Variants in NRXN1 observed in about 807,000 individuals in gnomAD.
The protein encoded by NRXN1 is neurexin-1.
NRXN1 carries 39 observed loss-of-function variants against 150.9 expected under a neutral mutation model. The ratio of observed to expected loss-of-function variants is 0.26; its 90% confidence interval spans 0.20 to 0.34. The LOEUF (loss-of-function observed/expected upper bound fraction) is 0.34. Ranked by LOEUF, NRXN1 falls within the 10% of genes least tolerant of loss-of-function variation. The pLI is 1.00. For missense variants in NRXN1, 1,815 were observed against 1,949.9 expected (o/e 0.93, Z 1.30); for synonymous variants, 924 against 757.0 (o/e 1.22, Z -3.62).
intron 5 of NRXN1, among the ~76,000 whole-genome samples, chr2:50,855,334 C>T (rs1173753933): frequency 6.6e-6 from 1 of 151,764 alleles, no homozygotes; most frequent in African/African-American, 2.4e-5. Flanking sequence ...TTTAAATATT[C>T]CAAAAAAAGT....
chr2:50,620,043 G>A lies in NRXN1; in HGVS notation c.1299C>T (p.Asn433=). Residue 433 remains asparagine (N), a synonymous_variant, in exon 8 of 23, where the codon AAC becomes AAT. Coordinates refer to ENST00000401669, the MANE Select transcript of NRXN1 (RefSeq NM_001330078.2). The part of the protein sequence containing the change: ...ADLPGSPVSN[N]FMGCLKEVVY... Reference sequence around the variant, plus strand: ...TTACCTCTTTGAGACAGCCCATAAAGTTGTTACTGACTGGTGACCCTGGAA... The same window carrying A: ...TTACCTCTTTGAGACAGCCCATAAAATTGTTACTGACTGGTGACCCTGGAA... The A allele has an allele frequency of 1.2e-6, 2 of 1,608,454 alleles. No individual in the cohort carries two copies. The highest frequency in any genetic ancestry group is 1.7e-6 in the Non-Finnish European group (2 of 1,177,016).
intron 17 of NRXN1, among the ~76,000 whole-genome samples, chr2:50,295,997 G>A (rs556384629): frequency 6.6e-6 from 1 of 152,248 alleles, no homozygotes; most frequent in East Asian, 1.9e-4. Context: ...ATCAGCATAT[G>A]CAAAATATAG....
At chr2:50,880,490 C>A (rs1247717135) in intron 5 of NRXN1, among the ~76,000 whole-genome samples, 1 of 151,952 alleles carries the variant, frequency 6.6e-6, no homozygotes, top group Non-Finnish European at 1.5e-5. Flanking sequence ...CACTGTGTCT[C>A]CCACAGATAG....
chr2:50,187,671 C>T (rs1384492180), intron 18 of NRXN1, among the ~76,000 whole-genome samples: 1 of 151,960 alleles, frequency 6.6e-6, no homozygotes, highest in African/African-American at 2.4e-5. Flanking sequence ...TGAATCTATA[C>T]ATTACCTTGG....
At chr2:50,747,028 A>C (rs1291448122) in intron 5 of NRXN1, among the ~76,000 whole-genome samples, 2 of 152,166 alleles carry the variant, frequency 1.3e-5, no homozygotes, top group Non-Finnish European at 2.9e-5. Flanking sequence ...AAGTATATTT[A>C]AATGCAAAAA....
chr2:50,215,442 T>C (rs2063329487), intron 18 of NRXN1, among the ~76,000 whole-genome samples: 1 of 152,038 alleles, frequency 6.6e-6, no homozygotes, highest in African/African-American at 2.4e-5. Flanking sequence ...GCTTCCTGTG[T>C]CTAACATTGT....
chr2:50,486,432 T>C (rs1451749923), intron 15 of NRXN1, among the ~76,000 whole-genome samples: 1 of 152,196 alleles, frequency 6.6e-6, no homozygotes, highest in Non-Finnish European at 1.5e-5. Context: ...ACATTTAATG[T>C]CATTTTGGAT....
chr2:50,374,689 G>T (rs1299652981), intron 17 of NRXN1, among the ~76,000 whole-genome samples: 1 of 152,146 alleles, frequency 6.6e-6, no homozygotes, highest in African/African-American at 2.4e-5. Flanking sequence ...TGTAATTAGT[G>T]ATTGCATGGT....
chr2:49,924,746 A>G (rs1039716180), intron 22 of NRXN1, among the ~76,000 whole-genome samples: 3 of 152,222 alleles, frequency 2.0e-5, no homozygotes, highest in Non-Finnish European at 2.9e-5. Context: ...TCTAAATATC[A>G]TGTTTCTTAA....
intron 5 of NRXN1, among the ~76,000 whole-genome samples, chr2:50,815,899 A>G (rs1247819530): frequency 6.6e-6 from 1 of 152,158 alleles, no homozygotes; most frequent in East Asian, 1.9e-4. Flanking sequence ...GAAAAATGCT[A>G]GAATATCTCT....
intron 21 of NRXN1, among the ~76,000 whole-genome samples, chr2:49,958,028 G>C (rs888612250): frequency 4.6e-5 from 7 of 152,132 alleles, no homozygotes; most frequent in Non-Finnish European, 7.3e-5. Context: ...AAAAATACTA[G>C]GGAATGATGC....
chr2:50,483,615 G>A (rs1391114746), intron 15 of NRXN1, among the ~76,000 whole-genome samples: 1 of 152,064 alleles, frequency 6.6e-6, no homozygotes, highest in Non-Finnish European at 1.5e-5. Flanking sequence ...CCTGACAGAT[G>A]AACAAACTAC....
intron 19 of NRXN1, among the ~76,000 whole-genome samples, chr2:50,083,083 C>T (rs146068282): frequency 1.9e-3 from 284 of 152,286 alleles, no homozygotes; most frequent in African/African-American, 6.5e-3. Flanking sequence ...CCCTGTGATA[C>T]TCTGTATGTT....
intron 17 of NRXN1, among the ~76,000 whole-genome samples, chr2:50,364,649 T>C (rs2079461024): frequency 6.6e-6 from 1 of 152,132 alleles, no homozygotes; most frequent in Admixed American, 6.6e-5. Context: ...TATTTAAATT[T>C]GCTCCTTTCA....
intron 17 of NRXN1, among the ~76,000 whole-genome samples, chr2:50,412,895 G>A (rs2083289484): frequency 6.6e-6 from 1 of 152,160 alleles, no homozygotes; most frequent in Non-Finnish European, 1.5e-5. Context: ...GAAGAACGAA[G>A]CTAGACCCCA....
intron 5 of NRXN1, among the ~76,000 whole-genome samples, chr2:50,856,199 A>G (rs566428084): frequency 2.6e-5 from 4 of 152,142 alleles, no homozygotes; most frequent in Admixed American, 2.6e-4. Context: ...AATAATCTTT[A>G]GAAGTATTGG....
intron 17 of NRXN1, among the ~76,000 whole-genome samples, chr2:50,266,648 A>G (rs2068933004): frequency 6.6e-6 from 1 of 151,692 alleles, no homozygotes; most frequent in South Asian, 2.1e-4. Context: ...AGAAAGAAGG[A>G]AGCAGCAAGT....
intron 9 of NRXN1, among the ~76,000 whole-genome samples, chr2:50,550,745 G>T (rs189338697): frequency 6.7e-6 from 1 of 149,138 alleles, no homozygotes; most frequent in Non-Finnish European, 1.5e-5. Context: ...GCCGCGGCCC[G>T]ATCTCGGCTC....
chr2:50,922,589 G>C, intron 4 of NRXN1, 69 bp downstream of exon 4: 13 of 1,485,384 alleles, frequency 8.8e-6, no homozygotes, highest in Non-Finnish European at 1.2e-5. Context: ...CCTTTGCAGT[G>C]ATGGTTTGAA....
Sources: gnomAD v4.1 joint callset for allele counts (sites outside exome capture counted in the v4.1 genomes callset) on GRCh38, gnomAD v4.1.1 for gene constraint, MANE v1.5 for transcripts, NCBI Gene and HGNC (gene_info 2026-07-23, HGNC 2026-07-21) for gene names.